The following ABR variants were observed in gnomAD, a reference collection of about 807,000 sequenced individuals.
ABR encodes active breakpoint cluster region-related protein.
A neutral mutation model predicts 107.2 loss-of-function variants in ABR; 35 were observed. The observed-to-expected ratio is 0.33, with a 90% CI of 0.25 to 0.43. The LOEUF (loss-of-function observed/expected upper bound fraction) is 0.43. ABR is among the 20% of genes least tolerant of loss of function. ABR has a pLI of 1.00. For missense variants in ABR, 815 were observed against 1,115.2 expected, an observed-to-expected ratio of 0.73 and a Z score of 3.83; for synonymous variants, 498 against 462.0, an observed-to-expected ratio of 1.08 and a Z score of -1.00.
At chr17:1,170,663 T>C (rs2151596808) in intron 1 of ABR, among the ~76,000 whole-genome samples, 1 of 152,246 alleles carries the variant, frequency 6.6e-6, no homozygotes, top group East Asian at 1.9e-4. Flanking sequence ...CTCCAACTCC[T>C]GACCTCAGGT....
chr17:1,112,158 T>C (rs983261610), intron 2 of ABR, among the ~76,000 whole-genome samples: 1 of 152,248 alleles, frequency 6.6e-6, no homozygotes, highest in Admixed American at 6.5e-5. Context: ...TCCATCTGTC[T>C]GTTCATTCAT....
At chr17:1,221,245 G>A (rs1483668032) in intron 1 of ABR, among the ~76,000 whole-genome samples, 1 of 152,162 alleles carries the variant, frequency 6.6e-6, no homozygotes, top group African/African-American at 2.4e-5. Flanking sequence ...TATACCTCGA[G>A]GTGACTAAGG....
At chr17:1,117,633 C>T (rs1415861829) in intron 2 of ABR, among the ~76,000 whole-genome samples, 24 of 31,066 alleles carry the variant, frequency 7.7e-4, no homozygotes, top group East Asian at 4.3e-3. Flanking sequence ...TCCCTGAGCC[C>T]GAGTTCCTCC....
chr17:1,008,013 G>T (rs929520898), intron 21 of ABR, among the ~76,000 whole-genome samples: 1 of 152,162 alleles, frequency 6.6e-6, no homozygotes, highest in Admixed American at 6.5e-5. Flanking sequence ...GGTCGGCCTC[G>T]TGGGACCCAG....
In ABR at chr17:1,069,627, G is replaced by A. The variant is rs535413892; in HGVS notation, c.1016+342C>T. Reference sequence around the variant, plus strand: ...GCAGAGGTTGCAGTGAGCCGAGATCGCACCACTGCACTCCAGCCTGGGCAA... The same window carrying A: ...GCAGAGGTTGCAGTGAGCCGAGATCACACCACTGCACTCCAGCCTGGGCAA... On this transcript the variant is annotated intron_variant, in intron 9 of 22. Coordinates refer to ENST00000302538, the MANE Select transcript of ABR (RefSeq NM_021962.5). Among the ~76,000 whole-genome samples the A allele has an allele frequency of 2.6e-4, 39 of 152,172 alleles. 1 individual carries two copies. Among genetic ancestry groups the A allele is most frequent in the African/African-American group, 8.9e-4 (37 of 41,514 alleles).
At chr17:1,202,158 C>G (rs920473736) in intron 1 of ABR, among the ~76,000 whole-genome samples, 6 of 152,232 alleles carry the variant, frequency 3.9e-5, no homozygotes, top group African/African-American at 1.4e-4. Context: ...TGTAGCCGCT[C>G]TGTTGCCCAG....
At chr17:1,056,940 G>T in intron 13 of ABR, 58 bp downstream of exon 13, 2 of 1,241,330 alleles carry the variant, frequency 1.6e-6, no homozygotes, top group Non-Finnish European at 2.4e-6. Context: ...ACGGGAAGCC[G>T]GCCACGCTCT....
chr17:1,195,776 C>T (rs2042548295), intron 1 of ABR, among the ~76,000 whole-genome samples: 1 of 148,984 alleles, frequency 6.7e-6, no homozygotes, highest in Non-Finnish European at 1.5e-5. Flanking sequence ...TGCACTCCAG[C>T]CTGCGCAACA....
chr17:1,005,897 T>C lies in ABR; in HGVS notation c.*183A>G. The C allele has an allele frequency of 1.6e-6, 1 of 635,962 alleles. No individual in the cohort carries two copies. Among genetic ancestry groups the C allele is most frequent in the East Asian group, 2.7e-5 (1 of 36,408 alleles). 39.4% of individuals were successfully genotyped at this position (635,962 alleles called of 1,614,324 possible). A position where few individuals can be genotyped will look rare whatever the true frequency, so the allele number is the denominator to read the frequency against. Reference sequence around the variant, plus strand: ...TGGGATGCGGTGGTGAGGCTGGGGCTGGGCAGCCGGCTTTGTACAAGGTGG... The same window carrying C: ...TGGGATGCGGTGGTGAGGCTGGGGCCGGGCAGCCGGCTTTGTACAAGGTGG... On this transcript the variant is annotated 3_prime_UTR_variant, in exon 23 of 23. Coordinates refer to ENST00000302538, the MANE Select transcript of ABR (RefSeq NM_021962.5).
intron 1 of ABR, among the ~76,000 whole-genome samples, chr17:1,159,438 A>T (rs374169044): frequency 1.9e-4 from 7 of 37,706 alleles, no homozygotes; most frequent in African/African-American, 7.8e-4. Flanking sequence ...GAGAGGTAAG[A>T]ATGCGGTACT....
intron 6 of ABR, 42 bp from the exon 7 acceptor site, chr17:1,073,719 C>T (rs749283186): frequency 2.4e-5 from 37 of 1,551,960 alleles, no homozygotes; most frequent in South Asian, 7.1e-5. Context: ...GGATGATGGA[C>T]GAGGGCAACC....
chr17:1,109,227 G>T, intron 2 of ABR: 1 of 982,056 alleles, frequency 1.0e-6, no homozygotes, highest in Non-Finnish European at 1.4e-6. Flanking sequence ...ACCTAGTCCA[G>T]CCCGCTCCGC....
intron 1 of ABR, among the ~76,000 whole-genome samples, chr17:1,140,578 T>C (rs1344894846): frequency 2.6e-5 from 4 of 152,112 alleles, no homozygotes; most frequent in Non-Finnish European, 5.9e-5. Flanking sequence ...CTGCACTTTA[T>C]TTTATTGATT....
chr17:1,168,243 G>A (rs1464993163), intron 1 of ABR, among the ~76,000 whole-genome samples: 1 of 152,150 alleles, frequency 6.6e-6, no homozygotes, highest in Non-Finnish European at 1.5e-5. Context: ...CACTGCAGAG[G>A]TTGTGGAGAT....
At chr17:1,114,929 C>T (rs1374391258) in intron 2 of ABR, among the ~76,000 whole-genome samples, 3 of 152,196 alleles carry the variant, frequency 2.0e-5, no homozygotes, top group African/African-American at 4.8e-5. Flanking sequence ...GCACAGTTCT[C>T]GGCACCAGAG....
At chr17:1,121,524 C>T (rs772625606) in intron 2 of ABR, among the ~76,000 whole-genome samples, 11 of 138,946 alleles carry the variant, frequency 7.9e-5, no homozygotes, top group Non-Finnish European at 1.3e-4. Context: ...CAGCTGCTCA[C>T]AGTGGGATGG....
rs964140482 is a variant in ABR, at chr17:1,094,457, G to A, written c.346-2607C>T. Among the ~76,000 whole-genome samples, 13 of 149,160 alleles carry A rather than the reference G, an allele frequency of 8.7e-5. No homozygotes were observed. In the South Asian group the frequency reaches 1.1e-3, roughly 12 times the overall value. On this transcript the variant is annotated intron_variant, in intron 3 of 22. Transcript: ENST00000302538. The stretch of plus-strand genomic sequence containing the variant: ...GCAATCTCGGCTCACTGCAACCTCC[G>A]CCTCCCAGGTTCAAGCGATTCTCCT...
intron 2 of ABR, among the ~76,000 whole-genome samples, chr17:1,104,351 A>G (rs2038104037): frequency 6.6e-6 from 1 of 152,220 alleles, no homozygotes; most frequent in Admixed American, 6.5e-5. Flanking sequence ...CACAGAGTTG[A>G]GAGGCTAAAT....
intron 1 of ABR, among the ~76,000 whole-genome samples, chr17:1,141,589 G>C (rs1222066238): frequency 6.6e-6 from 1 of 152,074 alleles, no homozygotes; most frequent in Non-Finnish European, 1.5e-5. Flanking sequence ...TTATTCCCCT[G>C]CTCTCCTTCC....
Sources: allele counts gnomAD v4.1 joint callset (sites outside exome capture counted in the v4.1 genomes callset), GRCh38; gene constraint gnomAD v4.1.1; transcripts MANE v1.5; gene names NCBI Gene and HGNC (gene_info 2026-07-23, HGNC 2026-07-21).